SERINC5: variants seen among roughly 807,000 people sequenced by gnomAD.
SERINC5 encodes the protein serine incorporator 5.
A neutral mutation model predicts 63.1 loss-of-function variants in SERINC5; 41 were observed. That is an observed-to-expected ratio of 0.65 (90% CI 0.51 to 0.84). SERINC5 has a LOEUF of 0.84. Ranked by LOEUF, SERINC5 falls within the 40% of genes least tolerant of loss-of-function variation. The pLI, the probability that SERINC5 is intolerant of heterozygous loss-of-function variation, is 0.00. For synonymous variants in SERINC5, 222 were observed against 215.2 expected, an observed-to-expected ratio of 1.03 and a Z score of -0.28; for missense variants, 523 against 573.0, an observed-to-expected ratio of 0.91 and a Z score of 0.89.
chr5:80,246,385 A>AACACAAGTCTGATTTTCCC (rs1209131518), intron 1 of SERINC5, among the ~76,000 whole-genome samples: 1 of 152,208 alleles, frequency 6.6e-6, no homozygotes, highest in Non-Finnish European at 1.5e-5. Context: ...ATGATACTTA[A>AACACAAGTCTGATTTTCCC]ACACAAGTCT....
intron 1 of SERINC5, among the ~76,000 whole-genome samples, chr5:80,219,928 G>A (rs759162077): frequency 1.3e-5 from 2 of 152,102 alleles, no homozygotes; most frequent in Non-Finnish European, 2.9e-5. Flanking sequence ...CAAGTCACAG[G>A]CCAGGCGCGG....
chr5:80,228,092 C>T (rs1355817375), intron 1 of SERINC5, among the ~76,000 whole-genome samples: 1 of 150,294 alleles, frequency 6.7e-6, no homozygotes, highest in African/African-American at 2.5e-5. Flanking sequence ...ATTAGCCAGG[C>T]ATGGTAGCAT....
intron 8 of SERINC5, among the ~76,000 whole-genome samples, chr5:80,152,539 GA>G (rs1253494429): frequency 6.6e-6 from 1 of 151,600 alleles, no homozygotes; most frequent in African/African-American, 2.4e-5. Context: ...TACAAGTTTT[GA>G]TTTAGTACAG....
At chr5:80,251,933 T>C (rs992461683) in intron 1 of SERINC5, among the ~76,000 whole-genome samples, 18 of 48,480 alleles carry the variant, frequency 3.7e-4, no homozygotes, top group African/African-American at 1.2e-3. Flanking sequence ...TAAATGCCTA[T>C]ACTTGCCTGC....
chr5:80,193,412 A>G (rs1749319353), intron 2 of SERINC5, among the ~76,000 whole-genome samples: 1 of 152,136 alleles, frequency 6.6e-6, no homozygotes, highest in Admixed American at 6.5e-5. Flanking sequence ...CTGTCTGTGG[A>G]CAGTTGCTTA....
At chr5:80,145,745 C>G (rs890755577) in intron 11 of SERINC5, among the ~76,000 whole-genome samples, 1 of 152,158 alleles carries the variant, frequency 6.6e-6, no homozygotes, top group African/African-American at 2.4e-5. Context: ...AAACTCAGAA[C>G]TCGCTTGTAA....
intron 1 of SERINC5, among the ~76,000 whole-genome samples, chr5:80,239,031 C>G (rs1549128): frequency 5.9e-5 from 9 of 152,012 alleles, no homozygotes; most frequent in African/African-American, 1.9e-4. Context: ...TGTGAGCTGA[C>G]TAGCTGTGTG....
At chr5:80,247,890 C>G (rs1039316106) in intron 1 of SERINC5, among the ~76,000 whole-genome samples, 5 of 152,172 alleles carry the variant, frequency 3.3e-5, no homozygotes, top group Non-Finnish European at 7.3e-5. Context: ...CTCTGTCACC[C>G]AGGCTGGAGT....
At chr5:80,213,543 T>C (rs1750530501) in intron 1 of SERINC5, among the ~76,000 whole-genome samples, 1 of 152,182 alleles carries the variant, frequency 6.6e-6, no homozygotes, top group Non-Finnish European at 1.5e-5. Context: ...TGAAACTGGC[T>C]TCAAACCTCG....
intron 2 of SERINC5, among the ~76,000 whole-genome samples, chr5:80,178,402 G>T: frequency 8.2e-6 from 1 of 121,600 alleles, no homozygotes; most frequent in East Asian, 2.3e-4. Context: ...TGGCTCTGTT[G>T]CCCGGCCTAG....
chr5:80,155,429 G>A (rs1156509716), intron 8 of SERINC5, among the ~76,000 whole-genome samples: 1 of 152,168 alleles, frequency 6.6e-6, no homozygotes, highest in Non-Finnish European at 1.5e-5. Context: ...GCCGGGCATG[G>A]TGGCGTGGTG....
At chr5:80,193,196 A>C (rs918677310) in intron 2 of SERINC5, among the ~76,000 whole-genome samples, 2 of 152,164 alleles carry the variant, frequency 1.3e-5, no homozygotes, top group Admixed American at 6.6e-5. Context: ...CATCCTATTA[A>C]ATTTCTATGC....
intron 1 of SERINC5, among the ~76,000 whole-genome samples, chr5:80,249,743 A>G (rs1045169875): frequency 1.3e-5 from 2 of 152,138 alleles, no homozygotes; most frequent in Admixed American, 6.6e-5. Flanking sequence ...CGGAGGTTGC[A>G]GTGAGCCAAG....
At chr5:80,162,845 CT>C (rs112667326) in intron 7 of SERINC5, among the ~76,000 whole-genome samples, 54 of 146,750 alleles carry the variant, frequency 3.7e-4, no homozygotes, top group African/African-American at 4.2e-4. Context: ...ACACTACTGA[CT>C]TTTTTTTTTT....
rs1239451835 is a variant in SERINC5 at position 80,145,997 on chromosome 5, G to A, written c.1238+93C>T. 2.9e-6 allele frequency: 4 copies of A among 1,369,414 alleles called. No individual in the cohort carries two copies. The African/African-American group carries it at 5.7e-5, about 20-fold the overall frequency. 84.8% of individuals were successfully genotyped at this position (1,369,414 alleles called of 1,614,324 possible). On this transcript the variant is annotated intron_variant, in intron 11 of 11. Coordinates refer to ENST00000507668, the MANE Select transcript of SERINC5 (RefSeq NM_001174072.3). ...TGCACTCCAGCCTGGGCAACAGAGTGAGACTCCTTCTCAAACAAACAAACA... is the reference window on the plus strand; with the variant it reads ...TGCACTCCAGCCTGGGCAACAGAGTAAGACTCCTTCTCAAACAAACAAACA...
At chr5:80,123,498 C>G (rs1744625434) in intron 11 of SERINC5, among the ~76,000 whole-genome samples, 1 of 152,120 alleles carries the variant, frequency 6.6e-6, no homozygotes, top group African/African-American at 2.4e-5. Context: ...TGAGTATGCT[C>G]TTAGCTTTAC....
chr5:80,121,530 C>T (rs761988986), intron 11 of SERINC5, among the ~76,000 whole-genome samples: 7 of 152,120 alleles, frequency 4.6e-5, no homozygotes, highest in Non-Finnish European at 1.0e-4. Context: ...GATTACATCT[C>T]GACATGAGAT....
intron 2 of SERINC5, among the ~76,000 whole-genome samples, chr5:80,189,787 C>G (rs1301161041): frequency 3.9e-5 from 6 of 152,150 alleles, no homozygotes; most frequent in Admixed American, 3.9e-4. Context: ...TCATAGCTCA[C>G]TGCAGCCTCA....
At chr5:80,117,456 G>A (rs1744378578) in intron 11 of SERINC5, among the ~76,000 whole-genome samples, 1 of 151,990 alleles carries the variant, frequency 6.6e-6, no homozygotes, top group Admixed American at 6.6e-5. Context: ...TTGGACACAA[G>A]AGAAAAGGAC....
Sources: gnomAD v4.1 joint callset for allele counts (sites outside exome capture counted in the v4.1 genomes callset) on GRCh38, gnomAD v4.1.1 for gene constraint, MANE v1.5 for transcripts, NCBI Gene and HGNC (gene_info 2026-07-23, HGNC 2026-07-21) for gene names.